SLC7A14: variants seen among roughly 807,000 people sequenced by gnomAD.
SLC7A14 encodes gamma-aminobutyric acid transporter SLC7A14.
SLC7A14 carries 37 observed loss-of-function variants against 60.2 expected under a neutral mutation model. That is an observed-to-expected ratio of 0.61 (90% CI 0.47 to 0.81). The LOEUF is 0.81. SLC7A14 is among the 30% of genes least tolerant of loss of function. The probability of loss-of-function intolerance (pLI) is 0.00; values close to 1 mark genes in which losing one functional copy is unlikely to be tolerated. For synonymous variants in SLC7A14, 399 were observed against 395.8 expected, an observed-to-expected ratio of 1.01 and a Z score of -0.10; for missense variants, 886 against 982.7, an observed-to-expected ratio of 0.90 and a Z score of 1.32.
chr3:170,495,558 C>T (rs1252514035), intron 4 of SLC7A14: 16 of 757,550 alleles, frequency 2.1e-5, no homozygotes, highest in African/African-American at 1.4e-4. Flanking sequence ...AAGCCTCTCC[C>T]GAGTGAGCAG....
Position 170,480,508 on chromosome 3 carries a change from C to T in SLC7A14, c.1774G>A (p.Glu592Lys). Residue 592 changes from glutamate to lysine, a missense_variant, in exon 7 of 8, where the codon GAG becomes AAG. Coordinates refer to ENST00000231706, the MANE Select transcript of SLC7A14 (RefSeq NM_020949.3). ...AGAAGGATGGCCCACCAGCTCTGCT[C>T]TGAGATGTAGTCAGAACCAAAGATG... is the stretch of plus-strand genomic sequence containing the variant. ...FIIFGSDYIS[E>K]QSWWAILLVV... The T allele has an allele frequency of 1.2e-6, 2 of 1,614,154 alleles. No individual in the cohort carries two copies. The highest frequency in any genetic ancestry group is 2.2e-5 in the East Asian group (1 of 44,878).
In SLC7A14 at chr3:170,466,990, T is replaced by C; in HGVS notation, c.*65A>G. ...ATGAGAGCCAAAAAAGTTTTCACCT[T>C]CTAGCCCACAGGTTAAGTTACTGAA... On this transcript the variant is annotated 3_prime_UTR_variant, in exon 8 of 8. Coordinates refer to ENST00000231706, the MANE Select transcript of SLC7A14 (RefSeq NM_020949.3). The C allele has an allele frequency of 7.0e-7, 1 of 1,429,218 alleles. No individual in the cohort carries two copies. Among genetic ancestry groups the C allele is most frequent in the African/African-American group, 1.4e-5 (1 of 70,090 alleles). The allele number at this position is 1,429,218 out of a possible 1,614,324, so 88.5% of individuals were successfully genotyped here.
Position 170,493,966 on chromosome 3 carries a change from C to T in SLC7A14, c.759+4701G>A, listed in dbSNP as rs1043910384. Among the ~76,000 whole-genome samples, 5 of 152,306 alleles carry T rather than the reference C, an allele frequency of 3.3e-5. 1 individual carries two copies. Among genetic ancestry groups the T allele is most frequent in the Admixed American group, 3.3e-4 (5 of 15,304 alleles). On this transcript the variant is annotated intron_variant, in intron 4 of 7. Coordinates refer to ENST00000231706, the MANE Select transcript of SLC7A14 (RefSeq NM_020949.3). ...GATAATGGAATTGCAGCAAAACATT[C>T]ACAATCCCAGCCAAACTTTTTTCTT...
intron 5 of SLC7A14, among the ~76,000 whole-genome samples, chr3:170,484,966 A>G (rs1460182665): frequency 6.6e-6 from 1 of 152,100 alleles, no homozygotes; most frequent in South Asian, 2.1e-4. Flanking sequence ...ATAAAGTGCT[A>G]TTCTAAGGAG....
At chr3:170,581,228 A>G (rs1431698711) in intron 1 of SLC7A14, among the ~76,000 whole-genome samples, 2 of 152,194 alleles carry the variant, frequency 1.3e-5, no homozygotes, top group Non-Finnish European at 2.9e-5. Context: ...ATCTATGAGA[A>G]TGGATAGAAG....
intron 7 of SLC7A14, among the ~76,000 whole-genome samples, chr3:170,475,869 C>T (rs542405200): frequency 1.5e-3 from 230 of 152,260 alleles, no homozygotes; most frequent in Admixed American, 3.8e-3. Flanking sequence ...CCCGCCACCA[C>T]GCCTGGCTAA....
rs932986945 is a variant in SLC7A14, at chr3:170,461,332, T to C, written c.*5723A>G. On this transcript the variant is annotated 3_prime_UTR_variant, in exon 8 of 8. Coordinates refer to ENST00000231706, the MANE Select transcript of SLC7A14 (RefSeq NM_020949.3). Reference sequence around the variant, plus strand: ...TTCTAAGTCCTAAAAAAAAGAACACTCTATTTTCTTAGAGAAGTAATTTTG... The same window carrying C: ...TTCTAAGTCCTAAAAAAAAGAACACCCTATTTTCTTAGAGAAGTAATTTTG... 5.3e-5 allele frequency: 8 copies of C among 152,172 alleles called. No homozygotes were observed. The highest frequency in any genetic ancestry group is 1.9e-4 in the African/African-American group (8 of 41,434). 9.4% of individuals were successfully genotyped at this position (152,172 alleles called of 1,614,324 possible).
chr3:170,535,377 T>G lies in SLC7A14; in HGVS notation c.-152-8289A>C, dbSNP rs145469825. On this transcript the variant is annotated intron_variant, in intron 1 of 7. Transcript: ENST00000231706. The surrounding 1 kb of genome is among the most constrained non-coding windows in gnomAD (Gnocchi z 4.3). ...TCCTTCTATGCCACCATAAAAGATT[T>G]AAGAATTTGTATTAATCATTGCAAA... is the stretch of plus-strand genomic sequence containing the variant. Among the ~76,000 whole-genome samples, 377 of 152,234 alleles carry G rather than the reference T, an allele frequency of 2.5e-3. 1 individual carries two copies. Among genetic ancestry groups the G allele is most frequent in the African/African-American group, 8.6e-3 (358 of 41,514 alleles).
chr3:170,486,064 C>G (rs1712017741), intron 5 of SLC7A14, among the ~76,000 whole-genome samples, 158 bp downstream of exon 5: 1 of 152,052 alleles, frequency 6.6e-6, no homozygotes, highest in African/African-American at 2.4e-5. Flanking sequence ...AGTTTGGAGT[C>G]CTAATTTTTT....
At chr3:170,540,336 A>G (rs1713983081) in intron 1 of SLC7A14, among the ~76,000 whole-genome samples, 1 of 152,168 alleles carries the variant, frequency 6.6e-6, no homozygotes, top group Non-Finnish European at 1.5e-5. Context: ...ATACTTATCA[A>G]TGTAGAAGTT....
intron 1 of SLC7A14, among the ~76,000 whole-genome samples, chr3:170,538,545 A>T (rs1215082803): frequency 1.3e-5 from 2 of 152,216 alleles, no homozygotes; most frequent in African/African-American, 4.8e-5. Context: ...ACGTTATTAT[A>T]CATGCTCCAC....
At chr3:170,552,348 T>C (rs141755103) in intron 1 of SLC7A14, among the ~76,000 whole-genome samples, 110 of 152,334 alleles carry the variant, frequency 7.2e-4, no homozygotes, top group Admixed American at 7.0e-3. Flanking sequence ...TGAGATCAGT[T>C]GCCTAACAAT....
intron 1 of SLC7A14, among the ~76,000 whole-genome samples, chr3:170,564,376 AGT>A (rs1439222387): frequency 6.6e-6 from 1 of 152,240 alleles, no homozygotes; most frequent in African/African-American, 2.4e-5. Flanking sequence ...CACACTCTCC[AGT>A]GCTGGAGCTG....
intron 7 of SLC7A14, among the ~76,000 whole-genome samples, chr3:170,474,325 G>C (rs543005139): frequency 1.6e-4 from 24 of 152,338 alleles, no homozygotes; most frequent in African/African-American, 5.8e-4. Flanking sequence ...TCACAGGAGA[G>C]CCAGTGTCTC....
Position 170,585,490 on chromosome 3 carries a change from C to CG in SLC7A14, c.-153+420dup, listed in dbSNP as rs1371271773. Among the ~76,000 whole-genome samples, 3 of 152,324 alleles carry CG rather than the reference C, an allele frequency of 2.0e-5. No homozygotes were observed. The highest frequency in any genetic ancestry group is 4.4e-5 in the Non-Finnish European group (3 of 68,026). On this transcript the variant is annotated intron_variant, in intron 1 of 7. Coordinates refer to ENST00000231706, the MANE Select transcript of SLC7A14 (RefSeq NM_020949.3). The surrounding 1 kb of genome is among the most constrained non-coding windows in gnomAD (Gnocchi z 5.1). ...GAGGCGGAGAACGGAGCTGCCCGTG[C>CG]GGGGTGCGCGCCAAGGCGGGGGACA...
At chr3:170,536,633 C>T (rs761262903) in intron 1 of SLC7A14, among the ~76,000 whole-genome samples, 2 of 152,078 alleles carry the variant, frequency 1.3e-5, no homozygotes, top group African/African-American at 2.4e-5. Flanking sequence ...ATCAGGAGAC[C>T]GGAGGTTTTG....
rs375591920 is a variant in SLC7A14 at position 170,465,813 on chromosome 3, C to T, written c.*1242G>A. 1.3e-5 allele frequency: 2 copies of T among 152,234 alleles called. No homozygotes were observed. The highest frequency in any genetic ancestry group is 4.8e-5 in the African/African-American group (2 of 41,550). The allele number at this position is 152,234 out of a possible 1,614,324, so 9.4% of individuals were successfully genotyped here. A position where few individuals can be genotyped will look rare whatever the true frequency, so the allele number is the denominator to read the frequency against. ...AGCCCATGTGTGTTTTTTTCCTTTG[C>T]AAATTCTCTCATCTATTCTATTTCT... On this transcript the variant is annotated 3_prime_UTR_variant, in exon 8 of 8. Coordinates refer to ENST00000231706, the MANE Select transcript of SLC7A14 (RefSeq NM_020949.3).
intron 2 of SLC7A14, among the ~76,000 whole-genome samples, chr3:170,506,062 T>C (rs1019706182): frequency 1.3e-5 from 2 of 152,228 alleles, no homozygotes; most frequent in African/African-American, 4.8e-5. Flanking sequence ...CATATTGATT[T>C]CAAAAGTACT....
At chr3:170,553,892 T>TA (rs1300509111) in intron 1 of SLC7A14, among the ~76,000 whole-genome samples, 1 of 152,158 alleles carries the variant, frequency 6.6e-6, no homozygotes, top group Non-Finnish European at 1.5e-5. Context: ...ATATTATCTT[T>TA]TTTTTCTCTT....
Sources: allele counts gnomAD v4.1 joint callset (sites outside exome capture counted in the v4.1 genomes callset), GRCh38; gene constraint gnomAD v4.1.1; non-coding constraint Gnocchi (gnomAD v3.1); transcripts MANE v1.5; gene names NCBI Gene and HGNC (gene_info 2026-07-23, HGNC 2026-07-21).